MACROD2: variants seen among roughly 807,000 people sequenced by gnomAD.
MACROD2 encodes ADP-ribose glycohydrolase MACROD2.
MACROD2 carries 36 observed loss-of-function variants against 70.4 expected under a neutral mutation model. The ratio of observed to expected loss-of-function variants is 0.51; its 90% CI spans 0.39 to 0.68. MACROD2 has a LOEUF of 0.68. MACROD2 is among the 30% of genes least tolerant of loss of function. MACROD2 has a pLI of 0.00. For synonymous variants in MACROD2, 172 were observed against 178.8 expected (o/e 0.96, Z 0.30); for missense variants, 496 against 538.4 (o/e 0.92, Z 0.78).
chr20:16,019,443 T>C (rs2066972346), intron 15 of MACROD2, among the ~76,000 whole-genome samples: 1 of 152,100 alleles, frequency 6.6e-6, no homozygotes, highest in African/African-American at 2.4e-5. Context: ...TCAAGCATTA[T>C]AGGAAAAAAT....
At chr20:15,782,458 G>A (rs1040727292) in intron 8 of MACROD2, among the ~76,000 whole-genome samples, 2 of 151,994 alleles carry the variant, frequency 1.3e-5, no homozygotes, top group Non-Finnish European at 2.9e-5. Flanking sequence ...CAACTGGACT[G>A]GGGCTGGAGC....
chr20:14,048,485 A>G (rs549123322), intron 2 of MACROD2, among the ~76,000 whole-genome samples: 1 of 152,262 alleles, frequency 6.6e-6, no homozygotes, highest in East Asian at 1.9e-4. Flanking sequence ...ATCAATTTCT[A>G]TGTTTATTAA....
chr20:14,697,524 C>T (rs1247405213), intron 5 of MACROD2, among the ~76,000 whole-genome samples: 2 of 152,148 alleles, frequency 1.3e-5, no homozygotes, highest in Non-Finnish European at 2.9e-5. Flanking sequence ...AACTGATTGC[C>T]GTGGGCACTA....
At chr20:15,035,235 A>G (rs1014252740) in intron 5 of MACROD2, among the ~76,000 whole-genome samples, 2 of 152,058 alleles carry the variant, frequency 1.3e-5, no homozygotes, top group African/African-American at 4.8e-5. Flanking sequence ...GTCTACAAAA[A>G]GTAATAAATG....
At chr20:14,980,642 C>T (rs1399542176) in intron 5 of MACROD2, among the ~76,000 whole-genome samples, 1 of 152,146 alleles carries the variant, frequency 6.6e-6, no homozygotes, top group African/African-American at 2.4e-5. Flanking sequence ...AGCATTTAAG[C>T]TCTCATGGTG....
intron 10 of MACROD2, among the ~76,000 whole-genome samples, chr20:15,886,244 A>G (rs1029714013): frequency 6.6e-6 from 1 of 152,132 alleles, no homozygotes; most frequent in African/African-American, 2.4e-5. Flanking sequence ...CTAGTGATTG[A>G]TCTCAACTGT....
intron 4 of MACROD2, among the ~76,000 whole-genome samples, chr20:14,527,514 A>G (rs947582451): frequency 2.7e-5 from 4 of 150,396 alleles, no homozygotes; most frequent in Non-Finnish European, 3.0e-5. Flanking sequence ...AAAAAAAACC[A>G]TGGTTCTAGT....
chr20:15,957,180 G>A (rs1265754229), intron 12 of MACROD2, among the ~76,000 whole-genome samples: 1 of 152,122 alleles, frequency 6.6e-6, no homozygotes. Flanking sequence ...GGAGGAAAAT[G>A]GTAGACATGT....
intron 8 of MACROD2, among the ~76,000 whole-genome samples, chr20:15,705,780 C>CT (rs1555866772): frequency 3.3e-5 from 5 of 151,420 alleles, no homozygotes; most frequent in Non-Finnish European, 5.9e-5. Flanking sequence ...GTTTACCTTC[C>CT]TTTTTTTTTC....
chr20:14,066,672 T>G (rs916569175), intron 2 of MACROD2, among the ~76,000 whole-genome samples: 3 of 152,182 alleles, frequency 2.0e-5, no homozygotes, highest in African/African-American at 7.2e-5. Flanking sequence ...TTAGTTCTAG[T>G]CTATACTATT....
At chr20:14,428,617 A>G (rs2083961448) in intron 3 of MACROD2, among the ~76,000 whole-genome samples, 1 of 152,120 alleles carries the variant, frequency 6.6e-6, no homozygotes, top group Non-Finnish European at 1.5e-5. Context: ...ATCTTTTGCA[A>G]TCAATGTCGG....
intron 8 of MACROD2, among the ~76,000 whole-genome samples, chr20:15,611,788 C>A (rs1484007786): frequency 1.3e-5 from 2 of 150,114 alleles, no homozygotes; most frequent in Non-Finnish European, 3.0e-5. Flanking sequence ...AGGCAGAGAT[C>A]TAAATCTAGC....
intron 3 of MACROD2, among the ~76,000 whole-genome samples, chr20:14,178,534 A>G (rs576593350): frequency 6.6e-6 from 1 of 152,216 alleles, no homozygotes; most frequent in Admixed American, 6.5e-5. Flanking sequence ...CATATACAGG[A>G]GTTAATAGGT....
At chr20:14,436,131 C>T (rs548505223) in intron 3 of MACROD2, among the ~76,000 whole-genome samples, 116 of 152,146 alleles carry the variant, frequency 7.6e-4, no homozygotes, top group Admixed American at 1.4e-3. Context: ...AGATGTTTCA[C>T]CCACGTGCTA....
intron 3 of MACROD2, among the ~76,000 whole-genome samples, chr20:14,417,758 G>C (rs2122885134): frequency 6.6e-6 from 1 of 152,246 alleles, no homozygotes; most frequent in East Asian, 1.9e-4. Flanking sequence ...TTGAGATTGA[G>C]TGCTGTATTA....
intron 5 of MACROD2, among the ~76,000 whole-genome samples, chr20:15,090,340 T>A (rs2075783825): frequency 6.6e-6 from 1 of 152,066 alleles, no homozygotes; most frequent in South Asian, 2.1e-4. Flanking sequence ...GGCACTACAC[T>A]CTTGTTTGAT....
chr20:14,966,797 ATG>A (rs1229052555), intron 5 of MACROD2, among the ~76,000 whole-genome samples: 1 of 152,114 alleles, frequency 6.6e-6, no homozygotes, highest in Non-Finnish European at 1.5e-5. Flanking sequence ...TTACACTACC[ATG>A]TAGTATGCCA....
At chr20:14,770,482 A>G (rs1409023477) in intron 5 of MACROD2, among the ~76,000 whole-genome samples, 1 of 152,116 alleles carries the variant, frequency 6.6e-6, no homozygotes, top group Non-Finnish European at 1.5e-5. Context: ...GTTTATACTG[A>G]GGTTCAAATA....
At chr20:14,763,206 A>G (rs2072040343) in intron 5 of MACROD2, among the ~76,000 whole-genome samples, 3 of 133,630 alleles carry the variant, frequency 2.2e-5, no homozygotes, top group Admixed American at 2.2e-4. Context: ...CTAAATAAAA[A>G]GTTACCACCT....
Sources: allele counts gnomAD v4.1 joint callset (sites outside exome capture counted in the v4.1 genomes callset), GRCh38; gene constraint gnomAD v4.1.1; transcripts MANE v1.5; gene names NCBI Gene and HGNC (gene_info 2026-07-23, HGNC 2026-07-21).